APOBEC3B: variants seen among roughly 807,000 people sequenced by gnomAD.
The protein encoded by APOBEC3B is apolipoprotein B mRNA editing enzyme catalytic subunit 3B.
A neutral mutation model predicts 53.4 loss-of-function variants in APOBEC3B; 29 were observed. The observed-to-expected ratio is 0.54, with a 90% CI of 0.40 to 0.74. The LOEUF (loss-of-function observed/expected upper bound fraction) is 0.74, where lower values mean the gene tolerates loss of function less well. Ranked by LOEUF, APOBEC3B falls within the 30% of genes least tolerant of loss-of-function variation. The probability of loss-of-function intolerance (pLI) is 0.00; values close to 1 mark genes in which losing one functional copy is unlikely to be tolerated. For synonymous variants in APOBEC3B, 132 were observed against 184.8 expected (o/e 0.71, Z 2.32); for missense variants, 347 against 496.2 (o/e 0.70, Z 2.86).
rs1491021212 is a variant in APOBEC3B, at chr22:38,988,687, T to TTTCTTTCTTTCTC, written c.570-769_570-768insTCTTTCTTTCTCT. ...TTCCTCTCTCTTTCTCTCTTTCTCT[T>TTTCTTTCTTTCTC]TCTTTCTTTCTTTCTTTCTTTCTTT... On this transcript the variant is annotated intron_variant, in intron 4 of 7. Transcript: ENST00000333467. Among the ~76,000 whole-genome samples the TTTCTTTCTTTCTC allele has an allele frequency of 8.6e-3, 390 of 45,194 alleles. 68 individuals are homozygous for TTTCTTTCTTTCTC. The highest frequency in any genetic ancestry group is 0.063 in the Admixed American group (258 of 4,118). 29.6% of individuals were successfully genotyped at this position (45,194 alleles called of 152,430 possible). A position where few individuals can be genotyped will look rare whatever the true frequency, so the allele number is the denominator to read the frequency against.
chr22:38,992,687 T>G lies in APOBEC3B; in HGVS notation c.*242T>G. ...AAGATTATGCTCAATATTCCCAGAATAGTTTTCAATGTATTAATGAAGTGA... is the reference window on the plus strand; with the variant it reads ...AAGATTATGCTCAATATTCCCAGAAGAGTTTTCAATGTATTAATGAAGTGA... On this transcript the variant is annotated 3_prime_UTR_variant, in exon 8 of 8. Coordinates refer to ENST00000333467, the MANE Select transcript of APOBEC3B (RefSeq NM_004900.5). The G allele has an allele frequency of 8.9e-7, 1 of 1,128,188 alleles. No homozygotes were observed. The highest frequency in any genetic ancestry group is 1.2e-6 in the Non-Finnish European group (1 of 806,900). 69.9% of individuals were successfully genotyped at this position (1,128,188 alleles called of 1,614,324 possible).
At position 38,992,415 on chromosome 22, in the gene APOBEC3B, C is replaced by A. The variant is rs770074224; in HGVS notation, c.1135-16C>A. 36 of 1,602,186 alleles carry A rather than the reference C, an allele frequency of 2.2e-5. No homozygotes were observed. Among genetic ancestry groups the A allele is most frequent in the Non-Finnish European group, 3.1e-5 (36 of 1,172,534 alleles). On this transcript the variant is annotated splice_polypyrimidine_tract_variant and intron_variant, in intron 7 of 7. Coordinates refer to ENST00000333467, the MANE Select transcript of APOBEC3B (RefSeq NM_004900.5). ...TCTCTCACCTCCTGCTCCATTCAAC[C>A]CCCCTGCTCTTCCAGAATCAGGGAA...
chr22:38,984,112 G>A lies in APOBEC3B; in HGVS notation c.55G>A (p.Asp19Asn), dbSNP rs367990393. ...GCGGATGTATCGAGACACATTCTACGACAACTTTGAAAACGAACCCATCCT... is the reference window on the plus strand; with the variant it reads ...GCGGATGTATCGAGACACATTCTACAACAACTTTGAAAACGAACCCATCCT... ...MERMYRDTFY[D>N]NFENEPILYG... is the part of the protein sequence containing the mutation. Residue 19 changes from aspartate to asparagine, a missense_variant, in exon 2 of 8, where the codon GAC becomes AAC. Asp to Asn is a conservative substitution (Grantham distance 23). Coordinates refer to ENST00000333467, the MANE Select transcript of APOBEC3B (RefSeq NM_004900.5). 28 of 1,587,816 alleles carry A rather than the reference G, an allele frequency of 1.8e-5. 3 individuals are homozygous for A. Among genetic ancestry groups the A allele is most frequent in the South Asian group, 5.7e-5 (5 of 87,926 alleles).
At chr22:38,990,530 A>G (rs1603268875) in intron 5 of APOBEC3B, among the ~76,000 whole-genome samples, 1 of 147,768 alleles carries the variant, frequency 6.8e-6, no homozygotes, top group African/African-American at 2.5e-5. Flanking sequence ...TGGAGTAAAT[A>G]CCATATTTCT....
Position 38,992,506 on chromosome 22 carries a change from C to G in APOBEC3B, c.*61C>G. Reference sequence around the variant, plus strand: ...TGGGTTGAGCAGCAGAATAAAAGATCTTCTTCCAAGAAATGCAAACAGACC... The same window carrying G: ...TGGGTTGAGCAGCAGAATAAAAGATGTTCTTCCAAGAAATGCAAACAGACC... On this transcript the variant is annotated 3_prime_UTR_variant, in exon 8 of 8. Transcript: ENST00000333467. The G allele has an allele frequency of 6.4e-7, 1 of 1,557,284 alleles. No homozygotes were observed. The highest frequency in any genetic ancestry group is 1.2e-5 in the South Asian group (1 of 83,614).
chr22:38,986,809 G>A (rs572092218), intron 4 of APOBEC3B, among the ~76,000 whole-genome samples: 5 of 148,842 alleles, frequency 3.4e-5, no homozygotes, highest in African/African-American at 1.2e-4. Flanking sequence ...ATCCTGGGGG[G>A]ACATCTGAGG....
chr22:38,983,443 C>A (rs940905676), intron 1 of APOBEC3B, among the ~76,000 whole-genome samples: 2 of 149,068 alleles, frequency 1.3e-5, no homozygotes, highest in African/African-American at 4.9e-5. Context: ...CAACAGCTTT[C>A]TCCTACAGGA....
intron 5 of APOBEC3B, 132 bp downstream of exon 5, chr22:38,989,742 T>C (rs1923916592): frequency 5.0e-6 from 5 of 990,130 alleles, no homozygotes; most frequent in Non-Finnish European, 6.9e-6. Flanking sequence ...CTGCTGCTGC[T>C]TGGCCCTGGA....
intron 2 of APOBEC3B, among the ~76,000 whole-genome samples, chr22:38,984,962 C>T (rs2146288371): frequency 7.5e-6 from 1 of 132,946 alleles, no homozygotes; most frequent in African/African-American, 2.8e-5. Flanking sequence ...AGTGCAATTG[C>T]ACAATCTTGG....
rs77999851 is a variant in APOBEC3B at position 38,988,789 on chromosome 22, A to T, written c.570-668A>T. Among the ~76,000 whole-genome samples the T allele has an allele frequency of 1.0e-4, 14 of 138,050 alleles. 1 individual carries two copies. The highest frequency in any genetic ancestry group is 1.7e-4 in the Non-Finnish European group (11 of 64,868). 90.6% of individuals were successfully genotyped at this position (138,050 alleles called of 152,430 possible). The stretch of plus-strand genomic sequence containing the variant: ...TCTTTCTTCTTTTGCTGCTGCCTCC[A>T]AACAGAGATTTTTCTAATTCTGGTT... On this transcript the variant is annotated intron_variant, in intron 4 of 7. Coordinates refer to ENST00000333467, the MANE Select transcript of APOBEC3B (RefSeq NM_004900.5).
At chr22:38,988,677 CTCTTTCTCTTTCTTTCTTTCTT>C (rs1381037349) in intron 4 of APOBEC3B, among the ~76,000 whole-genome samples, 1 of 6,558 alleles carries the variant, frequency 1.5e-4, no homozygotes, top group African/African-American at 1.6e-3. Flanking sequence ...CTCTCTTTCT[CTCTTTCTCTTTCTTTCTTTCTT>C]TCTTTCTTTC....
chr22:38,987,695 G>T lies in APOBEC3B; in HGVS notation c.569+1283G>T, dbSNP rs144959471. Among the ~76,000 whole-genome samples, 68 of 148,742 alleles carry T rather than the reference G, an allele frequency of 4.6e-4. 1 individual carries two copies. Among genetic ancestry groups the T allele is most frequent in the African/African-American group, 1.4e-3 (58 of 40,968 alleles). On this transcript the variant is annotated intron_variant, in intron 4 of 7. Coordinates refer to ENST00000333467, the MANE Select transcript of APOBEC3B (RefSeq NM_004900.5). ...AAAGACGCCTCCGCTGTGAGCAGAGGAGGATGCACACGACCCCAGACACAG... is the reference window on the plus strand; with the variant it reads ...AAAGACGCCTCCGCTGTGAGCAGAGTAGGATGCACACGACCCCAGACACAG...
In APOBEC3B at chr22:38,992,522, C is replaced by T; in HGVS notation, c.*77C>T. ...ATAAAAGATCTTCTTCCAAGAAATG[C>T]AAACAGACCGTTCACCACCATCTCC... On this transcript the variant is annotated 3_prime_UTR_variant, in exon 8 of 8. Coordinates refer to ENST00000333467, the MANE Select transcript of APOBEC3B (RefSeq NM_004900.5). The T allele has an allele frequency of 6.3e-7, 1 of 1,598,636 alleles. No individual in the cohort carries two copies. Among genetic ancestry groups the T allele is most frequent in the Non-Finnish European group, 8.5e-7 (1 of 1,170,004 alleles).
Position 38,992,618 on chromosome 22 carries a change from A to C in APOBEC3B, c.*173A>C, listed in dbSNP as rs1924058261. 1 of 1,494,040 alleles carries C rather than the reference A, an allele frequency of 6.7e-7. No individual in the cohort carries two copies. The highest frequency in any genetic ancestry group is 1.4e-5 in the African/African-American group (1 of 70,926). The allele number at this position is 1,494,040 out of a possible 1,614,324, so 92.5% of individuals were successfully genotyped here. Reference sequence around the variant, plus strand: ...GATTTTTTAAAAATCAGAGTCAATTAATTTTAATTGAAAATTTCTCTTATG... The same window carrying C: ...GATTTTTTAAAAATCAGAGTCAATTCATTTTAATTGAAAATTTCTCTTATG... On this transcript the variant is annotated 3_prime_UTR_variant, in exon 8 of 8. Transcript: ENST00000333467.
chr22:38,989,399 G>T (rs1240926358), intron 4 of APOBEC3B, 58 bp from the exon 5 acceptor site: 1 of 1,462,094 alleles, frequency 6.8e-7, no homozygotes, highest in Non-Finnish European at 9.3e-7. Context: ...GGAGAGGAGC[G>T]AGAGGTAGTC....
At position 38,989,564 on chromosome 22, in the gene APOBEC3B, G is replaced by A; in HGVS notation, c.677G>A (p.Gly226Asp). The A allele has an allele frequency of 1.3e-6, 2 of 1,588,114 alleles. 1 individual carries two copies. The highest frequency in any genetic ancestry group is 5.0e-5 in the East Asian group (2 of 40,108). Residue 226 changes from glycine (G) to aspartate (D), a missense_variant, in exon 5 of 8, where the codon GGC becomes GAC. Gly to Asp is a moderately conservative substitution (Grantham distance 94, BLOSUM62 -1). Transcript: ENST00000333467. Reference sequence around the variant, plus strand: ...TATGAGGTGGAGCGCCTGGACAATGGCACCTGGGTCCTGATGGACCAGCAC... The same window carrying A: ...TATGAGGTGGAGCGCCTGGACAATGACACCTGGGTCCTGATGGACCAGCAC... ...LCYEVERLDN[G>D]TWVLMDQHMG...
intron 4 of APOBEC3B, among the ~76,000 whole-genome samples, chr22:38,988,812 G>C (rs571623229): frequency 7.0e-6 from 1 of 142,034 alleles, no homozygotes; most frequent in Non-Finnish European, 1.5e-5. Flanking sequence ...TCTAATTCTG[G>C]TTTTGTCAGG....
chr22:38,989,691 C>T (rs1238737775), intron 5 of APOBEC3B, 81 bp downstream of exon 5: 1 of 1,312,068 alleles, frequency 7.6e-7, no homozygotes, highest in African/African-American at 1.5e-5. Flanking sequence ...TGGGTGGTGC[C>T]TGTGGTTTCC....
Position 38,991,688 on chromosome 22 carries a change from A to T in APOBEC3B, c.1018+62A>T, listed in dbSNP as rs1431406886. 8.5e-5 allele frequency: 123 copies of T among 1,443,632 alleles called. 8 individuals are homozygous for T. The highest frequency in any genetic ancestry group is 1.1e-4 in the Non-Finnish European group (118 of 1,069,200). The allele number at this position is 1,443,632 out of a possible 1,614,324, so 89.4% of individuals were successfully genotyped here. ...GGGGCAGGAGAGGTTCCTGGGAAGA[A>T]AAGGAGAAAGGCCTTGGTCTGCTGC... On this transcript the variant is annotated intron_variant, in intron 6 of 7. Coordinates refer to ENST00000333467, the MANE Select transcript of APOBEC3B (RefSeq NM_004900.5).
Sources: allele counts gnomAD v4.1 joint callset (sites outside exome capture counted in the v4.1 genomes callset), GRCh38; gene constraint gnomAD v4.1.1; transcripts MANE v1.5; gene names NCBI Gene and HGNC (gene_info 2026-07-23, HGNC 2026-07-21).